Variants in HERC1 observed in about 807,000 individuals in gnomAD.
The protein encoded by HERC1 is HECT and RLD domain containing E3 ubiquitin protein ligase family member 1.
Under a neutral mutation model 554.3 loss-of-function variants are expected in HERC1, and 160 were observed. The observed-to-expected ratio is 0.29, with a 90% CI of 0.25 to 0.33. HERC1 has a LOEUF of 0.33. HERC1 is among the 10% of genes least tolerant of loss of function. HERC1 has a pLI of 1.00. For missense variants in HERC1, 4,919 were observed against 5,918.5 expected, an observed-to-expected ratio of 0.83 and a Z score of 5.54; for synonymous variants, 2,175 against 2,131.7, an observed-to-expected ratio of 1.02 and a Z score of -0.56.
In HERC1 at chr15:63,635,994, C is replaced by T. The variant is rs932223976; in HGVS notation, c.12381G>A (p.Gln4127=). The change falls in exon 65 of 78, where the codon CAG becomes CAA. Residue 4127 remains glutamine (Q), a synonymous_variant. Transcript: ENST00000443617. ...CTTCTTCTCCTTGTAAGGCCTCGATCTGCCTGGGCCGCCGCTGCCTGTCGC... is the reference window on the plus strand; with the variant it reads ...CTTCTTCTCCTTGTAAGGCCTCGATTTGCCTGGGCCGCCGCTGCCTGTCGC... ...GNSDRQRRPR[Q]IEALQGEEVV... is the part of the protein sequence containing the mutation. 6.2e-7 allele frequency: 1 copy of T among 1,613,878 alleles called. No individual in the cohort carries two copies. Among genetic ancestry groups the T allele is most frequent in the Non-Finnish European group, 8.5e-7 (1 of 1,179,886 alleles).
At chr15:63,751,970 A>G (rs950820121) in intron 8 of HERC1, among the ~76,000 whole-genome samples, 1 of 152,108 alleles carries the variant, frequency 6.6e-6, no homozygotes, top group Non-Finnish European at 1.5e-5. Flanking sequence ...ACTCCTTCAT[A>G]AAAAAAGAAG....
At position 63,756,794 on chromosome 15, in the gene HERC1, A is replaced by C; in HGVS notation, c.1222-46T>G. ...ATATAAAATACTTCTGTGAGTATCAAAGTATAATATTTAAGGCTGGTTTTA... is the reference window on the plus strand; with the variant it reads ...ATATAAAATACTTCTGTGAGTATCACAGTATAATATTTAAGGCTGGTTTTA... On this transcript the variant is annotated intron_variant, in intron 4 of 77. Coordinates refer to ENST00000443617, the MANE Select transcript of HERC1 (RefSeq NM_003922.4). The surrounding 1 kb of genome is among the most constrained non-coding windows in gnomAD (Gnocchi z 5.0). 8.6e-7 allele frequency: 1 copy of C among 1,168,240 alleles called. No individual in the cohort carries two copies. Among genetic ancestry groups the C allele is most frequent in the Non-Finnish European group, 1.2e-6 (1 of 842,602 alleles). The allele number at this position is 1,168,240 out of a possible 1,614,324, so 72.4% of individuals were successfully genotyped here.
chr15:63,829,756 A>G (rs1445195558), intron 1 of HERC1, among the ~76,000 whole-genome samples: 3 of 151,658 alleles, frequency 2.0e-5, no homozygotes, highest in Non-Finnish European at 4.4e-5. Flanking sequence ...TGGTGCAAGG[A>G]AAAATAAGAT....
chr15:63,820,572 G>A (rs1004757555), intron 1 of HERC1, among the ~76,000 whole-genome samples: 2 of 152,070 alleles, frequency 1.3e-5, no homozygotes, highest in Non-Finnish European at 2.9e-5. Context: ...ATGGTACAGG[G>A]ACTAAGGTCT....
intron 1 of HERC1, among the ~76,000 whole-genome samples, chr15:63,814,493 T>G (rs551049917): frequency 2.0e-5 from 3 of 152,306 alleles, no homozygotes; most frequent in Non-Finnish European, 4.4e-5. Flanking sequence ...ACAGTCTGGC[T>G]CTGCTGCCCA....
chr15:63,613,595 A>C (rs1197841538), intron 76 of HERC1, among the ~76,000 whole-genome samples: 2 of 152,046 alleles, frequency 1.3e-5, no homozygotes, highest in Non-Finnish European at 2.9e-5. Flanking sequence ...CACTATAATA[A>C]CCTTTTTACT....
rs772950258 is a variant in HERC1, at chr15:63,635,973, T to C, written c.12402A>G (p.Glu4134=). The change falls in exon 65 of 78, where the codon GAA becomes GAG. Residue 4134 remains glutamate, a synonymous_variant. Transcript: ENST00000443617. The stretch of plus-strand genomic sequence containing the variant: ...TTTCCTGCCTGACCTGCACCACTTC[T>C]TCTCCTTGTAAGGCCTCGATCTGCC... ...RPRQIEALQG[E]EVVQMSCGFK... 3 of 1,613,992 alleles carry C rather than the reference T, an allele frequency of 1.9e-6. No individual in the cohort carries two copies. Among genetic ancestry groups the C allele is most frequent in the South Asian group, 2.2e-5 (2 of 91,084 alleles).
At position 63,613,015 on chromosome 15, in the gene HERC1, T is replaced by A. The variant is rs146700635; in HGVS notation, c.14095-459A>T. Among the ~76,000 whole-genome samples the A allele has an allele frequency of 2.4e-3, 370 of 152,326 alleles. 4 individuals are homozygous for A. The highest frequency in any genetic ancestry group is 8.5e-3 in the African/African-American group (352 of 41,556). On this transcript the variant is annotated intron_variant, in intron 76 of 77. Transcript: ENST00000443617. ...TATTTGTCTTTTGAAAATAATTATATCCTTTTTGTAAAAATTATTTGTGCT... is the reference window on the plus strand; with the variant it reads ...TATTTGTCTTTTGAAAATAATTATAACCTTTTTGTAAAAATTATTTGTGCT...
chr15:63,816,392 A>G (rs1182766283), intron 1 of HERC1, among the ~76,000 whole-genome samples: 1 of 152,206 alleles, frequency 6.6e-6, no homozygotes, highest in African/African-American at 2.4e-5. Flanking sequence ...TGTCTTATGT[A>G]AACTCAATAT....
chr15:63,637,761 C>A lies in HERC1; in HGVS notation c.12094-118G>T. The A allele has an allele frequency of 6.1e-6, 5 of 817,234 alleles. No individual in the cohort carries two copies. In the South Asian group the frequency reaches 1.1e-4, roughly 18 times the overall value. 50.6% of individuals were successfully genotyped at this position (817,234 alleles called of 1,614,324 possible). On this transcript the variant is annotated intron_variant, in intron 63 of 77. Transcript: ENST00000443617. The stretch of plus-strand genomic sequence containing the variant: ...CTTTTATAATTGTTTTATCCTTTTA[C>A]TGAAAGGGAAGAGTTGATATAACTA...
intron 10 of HERC1, 99 bp from the exon 11 acceptor site, chr15:63,747,957 G>T: frequency 8.4e-7 from 1 of 1,188,020 alleles, no homozygotes; most frequent in Admixed American, 2.4e-5. Flanking sequence ...TGGGCACGGT[G>T]GCTCATGCCT....
chr15:63,728,860 A>G (rs1567059744), intron 16 of HERC1, among the ~76,000 whole-genome samples: 1 of 151,956 alleles, frequency 6.6e-6, no homozygotes. Flanking sequence ...GACTACACAG[A>G]AGCCCAAAGA....
At position 63,829,439 on chromosome 15, in the gene HERC1, T is replaced by C. The variant is rs535510364; in HGVS notation, c.-27+4388A>G. On this transcript the variant is annotated intron_variant, in intron 1 of 77. Transcript: ENST00000443617. Reference sequence around the variant, plus strand: ...CCCTGTCTCAAAAAAGAAAGAAACGTCAGTATGTGTGTGTGTGTGTGCACA... The same window carrying C: ...CCCTGTCTCAAAAAAGAAAGAAACGCCAGTATGTGTGTGTGTGTGTGCACA... Among the ~76,000 whole-genome samples the C allele has an allele frequency of 1.2e-3, 142 of 115,444 alleles. 1 individual carries two copies. The highest frequency in any genetic ancestry group is 4.3e-3 in the African/African-American group (140 of 32,802). The allele number at this position is 115,444 out of a possible 152,430, so 75.7% of individuals were successfully genotyped here.
Position 63,675,416 on chromosome 15 carries a change from G to C in HERC1, c.7071-299C>G, listed in dbSNP as rs76530403. 0.059 allele frequency among the ~76,000 whole-genome samples: 9,050 copies of C among 152,202 alleles called. 312 individuals are homozygous for C. The highest frequency in any genetic ancestry group is 0.073 in the Non-Finnish European group (4,956 of 67,998). ...AAGGGGCCAGACAGGAAATATTTTA[G>C]ACTCTGCAGGGCACACAGTCTCAGC... On this transcript the variant is annotated intron_variant, in intron 37 of 77. Coordinates refer to ENST00000443617, the MANE Select transcript of HERC1 (RefSeq NM_003922.4).
At chr15:63,733,243 A>G in intron 13 of HERC1, 98 bp from the exon 14 acceptor site, 1 of 732,754 alleles carries the variant, frequency 1.4e-6, no homozygotes, top group Non-Finnish European at 2.4e-6. Flanking sequence ...TCCACTTACT[A>G]GCTTAATAAA....
rs935821495 is a variant in HERC1, at chr15:63,643,192, T to A, written c.11332-134A>T. 52 of 806,012 alleles carry A rather than the reference T, an allele frequency of 6.5e-5. No individual in the cohort carries two copies. The Admixed American group carries it at 1.4e-3, about 22-fold the overall frequency. The allele number at this position is 806,012 out of a possible 1,614,324, so 49.9% of individuals were successfully genotyped here. On this transcript the variant is annotated intron_variant, in intron 58 of 77. Coordinates refer to ENST00000443617, the MANE Select transcript of HERC1 (RefSeq NM_003922.4). ...CTAAATTCAGCAACGTCCAATCACATACCTACTACAAAATTTTCTAGGACA... is the reference window on the plus strand; with the variant it reads ...CTAAATTCAGCAACGTCCAATCACAAACCTACTACAAAATTTTCTAGGACA...
intron 77 of HERC1, among the ~76,000 whole-genome samples, chr15:63,610,406 G>T (rs79418206): frequency 0.017 from 2,536 of 152,342 alleles, 66 homozygotes; most frequent in African/African-American, 0.058. Context: ...ACGGTAGTCA[G>T]TTACTGATGC....
In HERC1 at chr15:63,772,955, C is replaced by G. The variant is rs376949519; in HGVS notation, c.930+1739G>C. ...CATAAATGCAAAAAGTAGGTGAAAA[C>G]TTAAATGTCCCTGGTTTGAAAATAA... is the stretch of plus-strand genomic sequence containing the variant. On this transcript the variant is annotated intron_variant, in intron 2 of 77. Transcript: ENST00000443617. Among the ~76,000 whole-genome samples, 32 of 152,250 alleles carry G rather than the reference C, an allele frequency of 2.1e-4. No homozygotes were observed. In the South Asian group the frequency reaches 6.4e-3, roughly 31 times the overall value.
Position 63,729,525 on chromosome 15 carries a change from G to A in HERC1, c.2993C>T (p.Ala998Val). ...LLCSLQKQLL[A>V]FCHINNISEN... ...ACTAATGTTATTGATATGGCAAAAT[G>A]CCAGCAGCTGTTTCTGTAGTGAACA... The change falls in exon 15 of 78, where the codon GCA becomes GTA. Residue 998 changes from alanine (A) to valine (V), a missense_variant. Transcript: ENST00000443617. The A allele has an allele frequency of 6.2e-7, 1 of 1,613,760 alleles. No homozygotes were observed. Among genetic ancestry groups the A allele is most frequent in the Non-Finnish European group, 8.5e-7 (1 of 1,179,736 alleles).
Sources: allele counts gnomAD v4.1 joint callset (sites outside exome capture counted in the v4.1 genomes callset), GRCh38; gene constraint gnomAD v4.1.1; non-coding constraint Gnocchi (gnomAD v3.1); transcripts MANE v1.5; gene names NCBI Gene and HGNC (gene_info 2026-07-23, HGNC 2026-07-21).